CRACD: variants seen among roughly 807,000 people sequenced by gnomAD.
CRACD encodes the protein capping protein inhibiting regulator of actin dynamics.
In CRACD, 56 loss-of-function variants were observed where a neutral mutation model predicts 106.8. That is an observed-to-expected ratio of 0.52 (90% CI 0.42 to 0.66). The LOEUF (loss-of-function observed/expected upper bound fraction) is 0.66, where lower values mean the gene tolerates loss of function less well. Among genes scored for constraint, CRACD ranks in the 30% least tolerant of loss-of-function variants. The pLI is 0.00. For missense variants in CRACD, 1,730 were observed against 1,623.2 expected (o/e 1.07, Z -1.13); for synonymous variants, 754 against 670.8 (o/e 1.12, Z -1.92).
chr4:56,064,668 C>A (rs781193560), intron 1 of CRACD, among the ~76,000 whole-genome samples: 2 of 152,164 alleles, frequency 1.3e-5, no homozygotes, highest in African/African-American at 2.4e-5. Flanking sequence ...TTAGGCTTCA[C>A]CTATTGTTAA....
At chr4:56,060,656 G>C (rs1279169975) in intron 1 of CRACD, among the ~76,000 whole-genome samples, 2 of 152,086 alleles carry the variant, frequency 1.3e-5, no homozygotes, top group Admixed American at 6.6e-5. Flanking sequence ...ACTAAAGGGT[G>C]CCGCAATGGA....
intron 2 of CRACD, among the ~76,000 whole-genome samples, chr4:56,263,653 T>G (rs1262618860): frequency 2.6e-5 from 4 of 152,160 alleles, no homozygotes; most frequent in Non-Finnish European, 5.9e-5. Flanking sequence ...AGACTCTATC[T>G]CCAAATATTC....
chr4:56,125,801 C>T (rs1332231474), intron 1 of CRACD, among the ~76,000 whole-genome samples: 15 of 86,966 alleles, frequency 1.7e-4, no homozygotes, highest in African/African-American at 4.2e-4. Flanking sequence ...GATGGAGTTT[C>T]GCTCTTGTTG....
Position 56,109,642 on chromosome 4 carries a change from A to G in CRACD, c.-336+60343A>G, listed in dbSNP as rs76279249. Among the ~76,000 whole-genome samples the G allele has an allele frequency of 5.6e-3, 848 of 152,340 alleles. 7 individuals are homozygous for G. The highest frequency in any genetic ancestry group is 0.019 in the African/African-American group (792 of 41,570). ...ATATTAGGAAAGGCTGAGTGAAGGA[A>G]TACATGAACTCTGTAAAATTTCTGC... On this transcript the variant is annotated intron_variant, in intron 1 of 10. Transcript: ENST00000682029.
chr4:56,086,431 C>G (rs1733222498), intron 1 of CRACD, among the ~76,000 whole-genome samples: 1 of 152,096 alleles, frequency 6.6e-6, no homozygotes, highest in South Asian at 2.1e-4. Context: ...GGTGGTGAGC[C>G]ACTGAGCCCA....
At chr4:56,218,486 CCTTCCCCTCCCTTAT>C (rs1317229155) in intron 2 of CRACD, among the ~76,000 whole-genome samples, 6 of 121,044 alleles carry the variant, frequency 5.0e-5, no homozygotes, top group Non-Finnish European at 6.8e-5. Flanking sequence ...CCCTCCCTTT[CCTTCCCCTCCCTTAT>C]CTTCCCCTCC....
intron 3 of CRACD, among the ~76,000 whole-genome samples, chr4:56,294,222 T>TA (rs34697625): frequency 0.35 from 49,234 of 142,126 alleles, 8,839 homozygotes; most frequent in East Asian, 0.62. Context: ...GACCCTGTCT[T>TA]AAAAAAAAAA....
At chr4:56,186,445 A>G (rs1274024233) in intron 2 of CRACD, among the ~76,000 whole-genome samples, 1 of 152,162 alleles carries the variant, frequency 6.6e-6, no homozygotes, top group South Asian at 2.1e-4. Context: ...CATCAACTCT[A>G]TGCTCTAAGA....
At chr4:56,074,722 G>T (rs1036172098) in intron 1 of CRACD, among the ~76,000 whole-genome samples, 9 of 152,118 alleles carry the variant, frequency 5.9e-5, no homozygotes, top group Non-Finnish European at 1.2e-4. Flanking sequence ...TCAATACTAT[G>T]TTGAATAGGA....
At chr4:56,227,565 A>G (rs1041592881) in intron 2 of CRACD, among the ~76,000 whole-genome samples, 16 of 152,282 alleles carry the variant, frequency 1.1e-4, no homozygotes, top group African/African-American at 3.8e-4. Context: ...GCAGAGATCG[A>G]CCAACTTTTA....
intron 5 of CRACD, chr4:56,309,142 T>G: frequency 2.5e-6 from 1 of 397,428 alleles, no homozygotes; most frequent in Non-Finnish European, 5.0e-6. Flanking sequence ...GGTCTCTTAT[T>G]TGGGTGAGGA....
intron 1 of CRACD, among the ~76,000 whole-genome samples, chr4:56,170,673 C>T (rs1449105987): frequency 6.6e-6 from 1 of 152,056 alleles, no homozygotes; most frequent in East Asian, 1.9e-4. Context: ...AAGACCCTAT[C>T]TCTACAAAAA....
rs199753159 is a variant in CRACD at position 56,328,656 on chromosome 4, G to A, written c.*852G>A. On this transcript the variant is annotated 3_prime_UTR_variant, in exon 11 of 11. Coordinates refer to ENST00000682029, the MANE Select transcript of CRACD (RefSeq NM_001393381.1). ...CCTAGGGCCTACTCAATCAGAGCCT[G>A]TGGGGACTGGGCCAGGAATATGTAT... The A allele has an allele frequency of 8.2e-6, 2 of 245,200 alleles. No individual in the cohort carries two copies. Among genetic ancestry groups the A allele is most frequent in the East Asian group, 2.0e-4 (2 of 9,994 alleles). 15.2% of individuals were successfully genotyped at this position (245,200 alleles called of 1,614,324 possible).
chr4:56,206,311 A>T (rs1477200536), intron 2 of CRACD, among the ~76,000 whole-genome samples: 1 of 152,190 alleles, frequency 6.6e-6, no homozygotes, highest in Non-Finnish European at 1.5e-5. Context: ...TTCCTCACTC[A>T]TGTGGTCCAA....
chr4:56,217,018 G>GA (rs1738738327), intron 2 of CRACD, among the ~76,000 whole-genome samples: 1 of 137,564 alleles, frequency 7.3e-6, no homozygotes, highest in African/African-American at 2.7e-5. Flanking sequence ...AAAAAAAAAA[G>GA]AAAATGTCTC....
chr4:56,216,849 G>A (rs1421765678), intron 2 of CRACD, among the ~76,000 whole-genome samples: 8 of 150,870 alleles, frequency 5.3e-5, no homozygotes, highest in East Asian at 3.9e-4. Context: ...GCGCGGTGGC[G>A]GGCACCTGTA....
intron 3 of CRACD, among the ~76,000 whole-genome samples, chr4:56,294,800 G>C (rs942733057): frequency 1.3e-5 from 2 of 151,424 alleles, no homozygotes; most frequent in Admixed American, 1.3e-4. Flanking sequence ...TGTAATCTGA[G>C]CTACTTGGGA....
intron 2 of CRACD, among the ~76,000 whole-genome samples, chr4:56,250,829 A>G (rs1452731887): frequency 6.6e-6 from 1 of 152,220 alleles, no homozygotes; most frequent in East Asian, 1.9e-4. Flanking sequence ...ACAGTATACT[A>G]ATATTACTAT....
chr4:56,171,039 C>G (rs1002535346), intron 1 of CRACD, among the ~76,000 whole-genome samples: 3 of 151,878 alleles, frequency 2.0e-5, no homozygotes, highest in African/African-American at 7.2e-5. Context: ...ACAGAAATAA[C>G]AGATTAAAGG....
Sources: allele counts gnomAD v4.1 joint callset (sites outside exome capture counted in the v4.1 genomes callset), GRCh38; gene constraint gnomAD v4.1.1; transcripts MANE v1.5; gene names NCBI Gene and HGNC (gene_info 2026-07-23, HGNC 2026-07-21).